The following POLD3 variants were observed in gnomAD, a reference collection of about 807,000 sequenced individuals.
The protein encoded by POLD3 is DNA polymerase delta subunit 3.
POLD3 carries 19 observed loss-of-function variants against 58.2 expected under a neutral mutation model. The observed-to-expected ratio is 0.33, with a 90% confidence interval of 0.23 to 0.48. The LOEUF is 0.48. POLD3 is among the 20% of genes least tolerant of loss of function. The pLI, the probability that POLD3 is intolerant of heterozygous loss-of-function variation, is 0.99. For missense variants in POLD3, 504 were observed against 545.5 expected (o/e 0.92, Z 0.76); for synonymous variants, 172 against 193.5 (o/e 0.89, Z 0.92).
chr11:74,614,056 C>T (rs553531056), intron 5 of POLD3, among the ~76,000 whole-genome samples: 136 of 152,184 alleles, frequency 8.9e-4, no homozygotes, highest in African/African-American at 2.2e-3. Flanking sequence ...GAACCATGAT[C>T]GTTTTCTATG....
downstream of POLD3, among the ~76,000 whole-genome samples, chr11:74,647,164 ACCT>A (rs1183373446): frequency 1.3e-5 from 2 of 152,238 alleles, no homozygotes; most frequent in East Asian, 3.9e-4. Flanking sequence ...CCTGCTGCTC[ACCT>A]CCTGCTGTGC....
At chr11:74,666,881 T>G (rs1037112816) in intron 4 of POLD3, among the ~76,000 whole-genome samples, 1 of 149,834 alleles carries the variant, frequency 6.7e-6, no homozygotes, top group African/African-American at 2.5e-5. Flanking sequence ...AGCATAACAA[T>G]AGGTATCTAG....
At chr11:74,665,485 C>G (rs2033257741) in intron 4 of POLD3, among the ~76,000 whole-genome samples, 1 of 145,316 alleles carries the variant, frequency 6.9e-6, no homozygotes, top group Non-Finnish European at 1.5e-5. Flanking sequence ...ACTGCAACCT[C>G]CACCTCCCAG....
chr11:74,592,820 G>C (rs535798155), intron 1 of POLD3, 102 bp downstream of exon 1: 1 of 1,547,436 alleles, frequency 6.5e-7, no homozygotes, highest in African/African-American at 1.4e-5. Flanking sequence ...GCTTCGTGGG[G>C]ACCAGGGGAG....
At position 74,611,592 on chromosome 11, in the gene POLD3, G is replaced by A. The variant is rs971826556; in HGVS notation, c.259+54G>A. The A allele has an allele frequency of 6.0e-6, 6 of 992,366 alleles. No homozygotes were observed. The African/African-American group carries it at 8.3e-5, about 14-fold the overall frequency. 61.5% of individuals were successfully genotyped at this position (992,366 alleles called of 1,614,324 possible). On this transcript the variant is annotated intron_variant, in intron 4 of 11. Coordinates refer to ENST00000263681, the MANE Select transcript of POLD3 (RefSeq NM_006591.3). ...TTCCTCTTATGGCATCAGTGTAGGT[G>A]CAATAAAAAATCTGCCTCTAACATC...
At chr11:74,639,821 G>T (rs2032861756) in intron 11 of POLD3, among the ~76,000 whole-genome samples, 1 of 152,312 alleles carries the variant, frequency 6.6e-6, no homozygotes, top group East Asian at 1.9e-4. Flanking sequence ...CGGCTGATAG[G>T]GAGTAAGAAA....
chr11:74,596,030 ATTTT>A (rs55653832), intron 2 of POLD3, among the ~76,000 whole-genome samples: 2 of 133,840 alleles, frequency 1.5e-5, no homozygotes, highest in Admixed American at 7.4e-5. Flanking sequence ...TTTTAATCTT[ATTTT>A]TTTTTTTTTT....
chr11:74,600,775 T>A (rs1270202819), intron 2 of POLD3, among the ~76,000 whole-genome samples: 2 of 134,302 alleles, frequency 1.5e-5, no homozygotes, highest in Non-Finnish European at 3.1e-5. Context: ...TGGAGTGTGA[T>A]GGCACGATCC....
At chr11:74,612,822 C>G in intron 4 of POLD3, 56 bp from the exon 5 acceptor site, 1 of 1,509,326 alleles carries the variant, frequency 6.6e-7, no homozygotes, top group South Asian at 1.2e-5. Flanking sequence ...TTGTTAAAGT[C>G]CCCACATGCT....
chr11:74,625,906 T>TGTGTGTGTGTGTGTGTG (rs1565123222), intron 8 of POLD3, among the ~76,000 whole-genome samples: 1 of 151,520 alleles, frequency 6.6e-6, no homozygotes, highest in South Asian at 2.1e-4. Flanking sequence ...TGTGTGTGTG[T>TGTGTGTGTGTGTGTGTG]TTCACTTCAA....
chr11:74,640,589 A>G lies in POLD3; in HGVS notation c.1224A>G (p.Glu408=), dbSNP rs1338995226. The G allele has an allele frequency of 1.9e-6, 3 of 1,594,562 alleles. No individual in the cohort carries two copies. The Admixed American group carries it at 5.3e-5, about 28-fold the overall frequency. ...CIVTEKVYES[E]SCTDSEEELN... ...TGACTGAAAAAGTCTACGAGAGTGA[A>G]TCCTGCACAGATAGTGAAGAGGAGC... The change falls in exon 12 of 12, where the codon GAA becomes GAG. Residue 408 remains glutamate, a synonymous_variant. Transcript: ENST00000263681.
intron 9 of POLD3, among the ~76,000 whole-genome samples, chr11:74,631,578 G>A (rs1369548103): frequency 7.0e-6 from 1 of 143,868 alleles, no homozygotes; most frequent in Non-Finnish European, 1.5e-5. Context: ...TCCGTCTCCC[G>A]GGTTCAAGCG....
At chr11:74,638,160 C>T (rs571370962) in intron 11 of POLD3, among the ~76,000 whole-genome samples, 1 of 152,182 alleles carries the variant, frequency 6.6e-6, no homozygotes, top group South Asian at 2.1e-4. Context: ...AATGGCAACC[C>T]AGAAAAGTGG....
downstream of POLD3, among the ~76,000 whole-genome samples, chr11:74,644,703 T>C (rs1010430430): frequency 1.3e-5 from 2 of 152,206 alleles, no homozygotes; most frequent in African/African-American, 4.8e-5. Context: ...TTCAAACCCT[T>C]AATGTTTTCT....
intron 4 of POLD3, among the ~76,000 whole-genome samples, chr11:74,611,750 A>T (rs1189004796): frequency 6.6e-6 from 1 of 152,216 alleles, no homozygotes; most frequent in Non-Finnish European, 1.5e-5. Context: ...GCTGACATTT[A>T]TAAAGCACTT....
chr11:74,592,868 C>T (rs1208311512), intron 1 of POLD3, 150 bp downstream of exon 1: 3 of 1,473,208 alleles, frequency 2.0e-6, no homozygotes, highest in East Asian at 5.0e-5. Context: ...AGCTCTGTGC[C>T]CCAGAGCGAG....
At chr11:74,637,802 T>G (rs1241277510) in intron 11 of POLD3, among the ~76,000 whole-genome samples, 2 of 115,236 alleles carry the variant, frequency 1.7e-5, no homozygotes, top group Admixed American at 1.0e-4. Flanking sequence ...GTGCTCACAT[T>G]GCACTTTTTT....
At chr11:74,632,409 C>T (rs886754551) in intron 9 of POLD3, among the ~76,000 whole-genome samples, 1 of 152,160 alleles carries the variant, frequency 6.6e-6, no homozygotes, top group Admixed American at 6.5e-5. Context: ...GTGCATTGGA[C>T]ATTCTTTATG....
chr11:74,642,065 A>G lies in POLD3; in HGVS notation c.*1299A>G. The G allele has an allele frequency of 6.1e-6, 6 of 985,468 alleles. No homozygotes were observed. The highest frequency in any genetic ancestry group is 7.2e-6 in the Non-Finnish European group (6 of 829,944). 61.0% of individuals were successfully genotyped at this position (985,468 alleles called of 1,614,324 possible). On this transcript the variant is annotated 3_prime_UTR_variant, in exon 12 of 12. Transcript: ENST00000263681. The stretch of plus-strand genomic sequence containing the variant: ...TCAACTGCTGATGTGTCTCACACGT[A>G]GCAGACAAGGGGTGTCTGACTGGCT...
Sources: gnomAD v4.1 joint callset for allele counts (sites outside exome capture counted in the v4.1 genomes callset) on GRCh38, gnomAD v4.1.1 for gene constraint, MANE v1.5 for transcripts, NCBI Gene and HGNC (gene_info 2026-07-23, HGNC 2026-07-21) for gene names.